Variants in SRGAP1 observed in about 807,000 individuals in gnomAD.
SRGAP1 encodes SLIT-ROBO Rho GTPase-activating protein 1.
Under a neutral mutation model 121.9 loss-of-function variants are expected in SRGAP1, and 43 were observed. The observed-to-expected ratio is 0.35, with a 90% CI of 0.28 to 0.46. The LOEUF (loss-of-function observed/expected upper bound fraction) is 0.46. Ranked by LOEUF, SRGAP1 falls within the 20% of genes least tolerant of loss-of-function variation. The probability of loss-of-function intolerance (pLI) is 1.00; values close to 1 mark genes in which losing one functional copy is unlikely to be tolerated. For missense variants in SRGAP1, 1,102 were observed against 1,350.9 expected (o/e 0.82, Z 2.89); for synonymous variants, 447 against 485.4 (o/e 0.92, Z 1.04).
intron 1 of SRGAP1, among the ~76,000 whole-genome samples, chr12:63,850,295 G>T (rs1387611563): frequency 3.3e-5 from 5 of 152,130 alleles, no homozygotes; most frequent in Non-Finnish European, 7.4e-5. Context: ...ATGAGGGCTG[G>T]ATTATAATAC....
At chr12:63,874,393 C>T (rs900790799) in intron 1 of SRGAP1, among the ~76,000 whole-genome samples, 37 of 152,100 alleles carry the variant, frequency 2.4e-4, no homozygotes, top group East Asian at 9.7e-4. Flanking sequence ...TTAATAGTAA[C>T]AGGGTTTCAC....
intron 1 of SRGAP1, among the ~76,000 whole-genome samples, chr12:63,942,109 C>A (rs2031888121): frequency 6.6e-6 from 1 of 152,166 alleles, no homozygotes; most frequent in African/African-American, 2.4e-5. Context: ...AACTCTCCCC[C>A]TCTCAACACC....
intron 1 of SRGAP1, among the ~76,000 whole-genome samples, chr12:63,936,018 A>G (rs774864255): frequency 1.3e-5 from 2 of 152,226 alleles, no homozygotes; most frequent in Admixed American, 6.5e-5. Flanking sequence ...AATAGTGGTT[A>G]TCTCCTCTGA....
At chr12:64,107,702 G>A (rs1463255923) in intron 15 of SRGAP1, among the ~76,000 whole-genome samples, 1 of 152,082 alleles carries the variant, frequency 6.6e-6, no homozygotes. Flanking sequence ...CAGAGGCTAT[G>A]GACTGAGAAT....
At chr12:63,852,189 A>T (rs916993084) in intron 1 of SRGAP1, among the ~76,000 whole-genome samples, 2 of 151,658 alleles carry the variant, frequency 1.3e-5, no homozygotes, top group Non-Finnish European at 2.9e-5. Context: ...GGTTTTGGCC[A>T]TGTTGCCCAG....
chr12:64,110,733 T>TA, intron 16 of SRGAP1, among the ~76,000 whole-genome samples: 1 of 152,324 alleles, frequency 6.6e-6, no homozygotes, highest in East Asian at 1.9e-4. Context: ...TGTGATTTTT[T>TA]AAAAAATATT....
intron 3 of SRGAP1, among the ~76,000 whole-genome samples, chr12:64,015,985 C>G (rs2034391443): frequency 6.6e-6 from 1 of 152,178 alleles, no homozygotes; most frequent in African/African-American, 2.4e-5. Context: ...AAATACTTCT[C>G]TATCAAACTC....
chr12:64,073,665 G>T (rs1193216440), intron 8 of SRGAP1, among the ~76,000 whole-genome samples: 1 of 151,122 alleles, frequency 6.6e-6, no homozygotes. Flanking sequence ...AGTTATACTG[G>T]GTTTTGTTAT....
At chr12:64,030,596 A>G (rs891821769) in intron 4 of SRGAP1, among the ~76,000 whole-genome samples, 6 of 152,214 alleles carry the variant, frequency 3.9e-5, no homozygotes, top group East Asian at 1.9e-4. Flanking sequence ...AGCATTTTGA[A>G]AAAGATGACT....
At chr12:63,857,759 A>C (rs1367476489) in intron 1 of SRGAP1, among the ~76,000 whole-genome samples, 2 of 152,204 alleles carry the variant, frequency 1.3e-5, no homozygotes, top group Non-Finnish European at 2.9e-5. Context: ...TAAAAAAAAC[A>C]CTCATTATTT....
At chr12:64,015,738 G>A (rs368117898) in intron 3 of SRGAP1, among the ~76,000 whole-genome samples, 3 of 152,138 alleles carry the variant, frequency 2.0e-5, no homozygotes, top group South Asian at 4.1e-4. Flanking sequence ...ACAGGACACC[G>A]AGGGGTTGCA....
rs964083998 is a variant in SRGAP1, at chr12:64,159,147, C to T, written c.*16475C>T. 1 of 152,382 alleles carries T rather than the reference C, an allele frequency of 6.6e-6. No homozygotes were observed. Among genetic ancestry groups the T allele is most frequent in the African/African-American group, 2.4e-5 (1 of 41,348 alleles). 9.4% of individuals were successfully genotyped at this position (152,382 alleles called of 1,614,324 possible). On this transcript the variant is annotated 3_prime_UTR_variant, in exon 22 of 22. Transcript: ENST00000355086. ...CAGCCTGGGCAACATAGCAAGACCC[C>T]ATCCCTACAAAACAGTTTTTTAAAA...
chr12:64,131,834 G>T (rs905355678), intron 21 of SRGAP1, among the ~76,000 whole-genome samples: 1 of 152,202 alleles, frequency 6.6e-6, no homozygotes, highest in Non-Finnish European at 1.5e-5. Context: ...ATGGTCAAAC[G>T]TTCAGTTTCC....
At chr12:64,127,187 C>T (rs541211802) in intron 19 of SRGAP1, among the ~76,000 whole-genome samples, 9 of 152,274 alleles carry the variant, frequency 5.9e-5, no homozygotes, top group South Asian at 2.1e-4. Flanking sequence ...TGCTTGACAA[C>T]GCATTTCTCA....
At chr12:63,982,128 G>T (rs1190208982) in intron 1 of SRGAP1, among the ~76,000 whole-genome samples, 1 of 151,930 alleles carries the variant, frequency 6.6e-6, no homozygotes, top group Non-Finnish European at 1.5e-5. Context: ...GGAGAATGGC[G>T]TGGACCCGGG....
chr12:64,111,257 A>T (rs2036426254), intron 16 of SRGAP1, among the ~76,000 whole-genome samples: 1 of 152,238 alleles, frequency 6.6e-6, no homozygotes, highest in Admixed American at 6.5e-5. Flanking sequence ...AAAGCAGATT[A>T]TAAAGCCTGG....
At chr12:63,847,302 G>A (rs1047350550) in intron 1 of SRGAP1, among the ~76,000 whole-genome samples, 5 of 152,146 alleles carry the variant, frequency 3.3e-5, no homozygotes, top group African/African-American at 9.7e-5. Context: ...CAGTCTGGGT[G>A]ACAGAGTGAG....
At chr12:64,114,163 A>C (rs2036478475) in intron 17 of SRGAP1, among the ~76,000 whole-genome samples, 1 of 152,118 alleles carries the variant, frequency 6.6e-6, no homozygotes, top group African/African-American at 2.4e-5. Context: ...CACCAACTTT[A>C]CACATGAAGT....
rs957561727 is a variant in SRGAP1, at chr12:64,148,520, G to GATCT, written c.*5854_*5857dup. 1 of 148,532 alleles carries GATCT rather than the reference G, an allele frequency of 6.7e-6. No homozygotes were observed. The highest frequency in any genetic ancestry group is 1.9e-4 in the East Asian group (1 of 5,178). The allele number at this position is 148,532 out of a possible 1,614,324, so 9.2% of individuals were successfully genotyped here. On this transcript the variant is annotated 3_prime_UTR_variant, in exon 22 of 22. Transcript: ENST00000355086. Reference sequence around the variant, plus strand: ...TGGTCTCAAACTCCTGACCTAAAGTGATCTATCTACCTGCCTCAGCCTCCC... The same window carrying GATCT: ...TGGTCTCAAACTCCTGACCTAAAGTGATCTATCTATCTACCTGCCTCAGCCTCCC...
Sources: allele counts gnomAD v4.1 joint callset (sites outside exome capture counted in the v4.1 genomes callset), GRCh38; gene constraint gnomAD v4.1.1; transcripts MANE v1.5; gene names NCBI Gene and HGNC (gene_info 2026-07-23, HGNC 2026-07-21).